The following FAF1 variants were observed in gnomAD, a reference collection of about 807,000 sequenced individuals.
The protein encoded by FAF1 is Fas associated factor 1, also known as FAS-associated factor 1.
A neutral mutation model predicts 92.5 loss-of-function variants in FAF1; 25 were observed. The observed-to-expected ratio is 0.27, with a 90% CI of 0.20 to 0.38. The LOEUF (loss-of-function observed/expected upper bound fraction) is 0.38. FAF1 is among the 10% of genes least tolerant of loss of function. The pLI is 1.00. For synonymous variants in FAF1, 234 were observed against 273.2 expected (o/e 0.86, Z 1.42); for missense variants, 636 against 793.3 (o/e 0.80, Z 2.38).
intron 1 of FAF1, among the ~76,000 whole-genome samples, chr1:50,914,461 T>C (rs545753946): frequency 6.6e-6 from 1 of 152,324 alleles, no homozygotes; most frequent in African/African-American, 2.4e-5. Flanking sequence ...CTATTCTAGT[T>C]AGTGCATCAA....
At chr1:50,542,686 A>C (rs1648815736) in intron 13 of FAF1, among the ~76,000 whole-genome samples, 1 of 152,196 alleles carries the variant, frequency 6.6e-6, no homozygotes. Flanking sequence ...TGGGGAAGCA[A>C]GGGCAAACCA....
chr1:50,635,955 C>G (rs1186155764), intron 8 of FAF1, among the ~76,000 whole-genome samples: 1 of 152,078 alleles, frequency 6.6e-6, no homozygotes, highest in East Asian at 1.9e-4. Flanking sequence ...AGTGTAAATG[C>G]AATTATAGGA....
At chr1:50,506,674 T>C (rs985342249) in intron 15 of FAF1, among the ~76,000 whole-genome samples, 2 of 152,236 alleles carry the variant, frequency 1.3e-5, no homozygotes, top group Non-Finnish European at 2.9e-5. Flanking sequence ...CGTAAGTTAA[T>C]GTATGGTTGA....
intron 1 of FAF1, among the ~76,000 whole-genome samples, chr1:50,876,528 G>A (rs1174851063): frequency 1.3e-5 from 2 of 152,118 alleles, no homozygotes; most frequent in African/African-American, 4.8e-5. Context: ...AAACGAATAC[G>A]TCAAAGGGAT....
chr1:50,665,166 G>C (rs1655565829), intron 7 of FAF1, among the ~76,000 whole-genome samples: 1 of 152,124 alleles, frequency 6.6e-6, no homozygotes, highest in South Asian at 2.1e-4. Context: ...AACAATTATA[G>C]AAACATTTTT....
At position 50,801,688 on chromosome 1, in the gene FAF1, G is replaced by GA; in HGVS notation, c.115-12dup. On this transcript the variant is annotated splice_polypyrimidine_tract_variant and intron_variant, in intron 2 of 18. Transcript: ENST00000396153. ...ACCATTGATAGCTGCCTGCAAACAA[G>GA]AAACAGAGAAGGCCATTTAAAGAAA... 6.4e-7 allele frequency: 1 copy of GA among 1,565,934 alleles called. No homozygotes were observed. Among genetic ancestry groups the GA allele is most frequent in the Non-Finnish European group, 8.8e-7 (1 of 1,136,906 alleles).
chr1:50,526,549 G>A (rs137942920), intron 15 of FAF1, among the ~76,000 whole-genome samples: 245 of 151,804 alleles, frequency 1.6e-3, no homozygotes, highest in Middle Eastern at 0.014. Context: ...AGCAATCCAC[G>A]TGCCTCTGCC....
intron 1 of FAF1, among the ~76,000 whole-genome samples, chr1:50,920,941 A>G (rs1644957739): frequency 1.3e-5 from 2 of 152,210 alleles, no homozygotes; most frequent in African/African-American, 4.8e-5. Flanking sequence ...AAAGTAAGAA[A>G]AAGAAAGAAA....
chr1:50,613,812 A>T (rs1652784666), intron 8 of FAF1, among the ~76,000 whole-genome samples: 1 of 152,038 alleles, frequency 6.6e-6, no homozygotes, highest in African/African-American at 2.4e-5. Context: ...CAAACAAAAA[A>T]ACCAGGCAGG....
At chr1:50,585,880 TAAAAAA>T (rs958484582) in intron 9 of FAF1, among the ~76,000 whole-genome samples, 1 of 90,670 alleles carries the variant, frequency 1.1e-5, no homozygotes. Context: ...CATCTCTACA[TAAAAAA>T]AAAAAAAAAA....
chr1:50,556,664 C>T (rs1003328982), intron 13 of FAF1, among the ~76,000 whole-genome samples: 4 of 151,634 alleles, frequency 2.6e-5, no homozygotes, highest in South Asian at 4.2e-4. Flanking sequence ...GGTGAGACCC[C>T]GTGTCTACAA....
chr1:50,856,586 T>C (rs1317268764), intron 2 of FAF1, among the ~76,000 whole-genome samples: 1 of 151,764 alleles, frequency 6.6e-6, no homozygotes, highest in Non-Finnish European at 1.5e-5. Flanking sequence ...ATATACATAG[T>C]TGGTAGAATT....
At chr1:50,459,264 A>G (rs554567324) in intron 18 of FAF1, among the ~76,000 whole-genome samples, 1 of 152,114 alleles carries the variant, frequency 6.6e-6, no homozygotes, top group African/African-American at 2.4e-5. Context: ...ATGAGCCACC[A>G]TGCCTGGCCC....
At position 50,728,269 on chromosome 1, in the gene FAF1, A is replaced by AGTT. The variant is rs528904399; in HGVS notation, c.551+10591_551+10593dup. On this transcript the variant is annotated intron_variant, in intron 6 of 18. Coordinates refer to ENST00000396153, the MANE Select transcript of FAF1 (RefSeq NM_007051.3). ...CTAAATAAAGTGAAGAAATGAGCCA[A>AGTT]GTTGTTACCTGGTAGTATCATTACT... is the stretch of plus-strand genomic sequence containing the variant. Among the ~76,000 whole-genome samples, 14 of 152,294 alleles carry AGTT rather than the reference A, an allele frequency of 9.2e-5. No individual in the cohort carries two copies. The South Asian group carries it at 2.5e-3, about 27-fold the overall frequency.
intron 8 of FAF1, among the ~76,000 whole-genome samples, chr1:50,637,683 G>A (rs11205749): frequency 0.021 from 1,733 of 83,130 alleles, 17 homozygotes; most frequent in African/African-American, 0.059. Flanking sequence ...ATATATATAT[G>A]TGTGTGTGTG....
rs1234731920 is a variant in FAF1, at chr1:50,872,742, C to CA, written c.46-14746dup. On this transcript the variant is annotated intron_variant, in intron 1 of 18. Coordinates refer to ENST00000396153, the MANE Select transcript of FAF1 (RefSeq NM_007051.3). Reference sequence around the variant, plus strand: ...TGAAACCCTATCTCTACTAAAAATACAAAAAAAAGTAGCTGGGTGTGGTGG... The same window carrying CA: ...TGAAACCCTATCTCTACTAAAAATACAAAAAAAAAGTAGCTGGGTGTGGTGG... Among the ~76,000 whole-genome samples, 17 of 151,518 alleles carry CA rather than the reference C, an allele frequency of 1.1e-4. No homozygotes were observed. In the East Asian group the frequency reaches 2.5e-3, roughly 22 times the overall value.
chr1:50,719,658 G>A (rs1174938321), intron 6 of FAF1, among the ~76,000 whole-genome samples: 1 of 152,150 alleles, frequency 6.6e-6, no homozygotes, highest in African/African-American at 2.4e-5. Context: ...TGGCAAAACT[G>A]TCAAAACACA....
At chr1:50,728,198 G>T (rs1658742080) in intron 6 of FAF1, among the ~76,000 whole-genome samples, 1 of 152,046 alleles carries the variant, frequency 6.6e-6, no homozygotes, top group Non-Finnish European at 1.5e-5. Context: ...TTTAGATAGG[G>T]GCATCAAGAA....
At chr1:50,493,158 G>A (rs1404850256) in intron 15 of FAF1, among the ~76,000 whole-genome samples, 2 of 151,132 alleles carry the variant, frequency 1.3e-5, no homozygotes, top group African/African-American at 2.4e-5. Context: ...TCAGCCTCCC[G>A]AGTAGCTGGG....
Sources: allele counts gnomAD v4.1 joint callset (sites outside exome capture counted in the v4.1 genomes callset), GRCh38; gene constraint gnomAD v4.1.1; transcripts MANE v1.5; gene names NCBI Gene and HGNC (gene_info 2026-07-23, HGNC 2026-07-21).